Variants in SLC44A1 observed in about 807,000 individuals in gnomAD.
SLC44A1 encodes the protein solute carrier family 44 member 1, also known as choline transporter-like protein 1.
In SLC44A1, 26 loss-of-function variants were observed where a neutral mutation model predicts 79.3. The observed-to-expected ratio is 0.33, with a 90% CI of 0.24 to 0.46. The LOEUF (loss-of-function observed/expected upper bound fraction) is 0.46. Ranked by LOEUF, SLC44A1 falls within the 20% of genes least tolerant of loss-of-function variation. The pLI is 1.00. For missense variants in SLC44A1, 688 were observed against 798.1 expected (o/e 0.86, Z 1.66); for synonymous variants, 263 against 286.2 (o/e 0.92, Z 0.82).
At chr9:105,344,945 G>A (rs1827203653) in intron 4 of SLC44A1, among the ~76,000 whole-genome samples, 1 of 152,182 alleles carries the variant, frequency 6.6e-6, no homozygotes, top group Non-Finnish European at 1.5e-5. Context: ...AGCTGGGAAA[G>A]GACAGCGCAA....
chr9:105,428,025 G>GTT (rs1829345182), intron 15 of SLC44A1, among the ~76,000 whole-genome samples: 1 of 151,964 alleles, frequency 6.6e-6, no homozygotes, highest in African/African-American at 2.4e-5. Flanking sequence ...AGATTTTTAT[G>GTT]TATTAGGGAT....
chr9:105,395,456 T>A lies in SLC44A1; in HGVS notation c.*6400T>A. ...CCAATCTCGAACTCCTGACCTCAGG[T>A]GATCCACCCGCCTCAGCCTCCCAAA... On this transcript the variant is annotated 3_prime_UTR_variant, in exon 16 of 16. Transcript: ENST00000374720. The A allele has an allele frequency of 1.4e-6, 1 of 724,472 alleles. No homozygotes were observed. The highest frequency in any genetic ancestry group is 1.7e-6 in the Non-Finnish European group (1 of 591,546). The allele number at this position is 724,472 out of a possible 1,614,324, so 44.9% of individuals were successfully genotyped here.
At chr9:105,419,963 T>C (rs1343967063) in intron 15 of SLC44A1, among the ~76,000 whole-genome samples, 1 of 150,804 alleles carries the variant, frequency 6.6e-6, no homozygotes, top group African/African-American at 2.4e-5. Context: ...CCATGCTGCC[T>C]GCTCTGAGAG....
rs147942971 is a variant in SLC44A1 at position 105,264,215 on chromosome 9, G to T, written c.36+19311G>T. Among the ~76,000 whole-genome samples, 402 of 152,266 alleles carry T rather than the reference G, an allele frequency of 2.6e-3. 2 individuals carry two copies. The highest frequency in any genetic ancestry group is 9.4e-3 in the African/African-American group (390 of 41,548). On this transcript the variant is annotated intron_variant, in intron 1 of 15. Coordinates refer to ENST00000374720, the MANE Select transcript of SLC44A1 (RefSeq NM_080546.5). Reference sequence around the variant, plus strand: ...AGTCTACTCTGTCACCCAGGCTGGAGTGCAGTGGTGTGATCATAGCTCACT... The same window carrying T: ...AGTCTACTCTGTCACCCAGGCTGGATTGCAGTGGTGTGATCATAGCTCACT...
chr9:105,427,296 G>A (rs1789770244), intron 15 of SLC44A1, among the ~76,000 whole-genome samples: 1 of 151,724 alleles, frequency 6.6e-6, no homozygotes, highest in Non-Finnish European at 1.5e-5. Flanking sequence ...TTGAAAGCAG[G>A]ACCAAGTTAT....
rs11361823 is a variant in SLC44A1, at chr9:105,249,525, ATT to A, written c.36+4636_36+4637del. 2.0e-3 allele frequency among the ~76,000 whole-genome samples: 282 copies of A among 142,198 alleles called. No individual in the cohort carries two copies. The Middle Eastern group carries it at 0.022, about 11-fold the overall frequency. 93.3% of individuals were successfully genotyped at this position (142,198 alleles called of 152,430 possible). A position where few individuals can be genotyped will look rare whatever the true frequency, so the allele number is the denominator to read the frequency against. The stretch of plus-strand genomic sequence containing the variant: ...ATTGGAAAATAATGTAGAAATGGTA[ATT>A]TTTTTTTTTTTTTTGAGCCAGAGTT... On this transcript the variant is annotated intron_variant, in intron 1 of 15. Coordinates refer to ENST00000374720, the MANE Select transcript of SLC44A1 (RefSeq NM_080546.5).
chr9:105,382,469 C>T (rs1416849085), intron 13 of SLC44A1, among the ~76,000 whole-genome samples: 1 of 152,114 alleles, frequency 6.6e-6, no homozygotes. Flanking sequence ...ATTATATTTA[C>T]CACATATTCT....
intron 1 of SLC44A1, among the ~76,000 whole-genome samples, chr9:105,255,510 T>G (rs1829684112): frequency 6.8e-6 from 1 of 147,640 alleles, no homozygotes; most frequent in South Asian, 2.1e-4. Context: ...GCAAAAAGTT[T>G]AATTTAAAAC....
chr9:105,375,153 C>G (rs758347036), intron 13 of SLC44A1, among the ~76,000 whole-genome samples: 1 of 152,112 alleles, frequency 6.6e-6, no homozygotes, highest in Non-Finnish European at 1.5e-5. Context: ...GCAATTCTCC[C>G]GCTTCAGCCT....
intron 1 of SLC44A1, among the ~76,000 whole-genome samples, chr9:105,268,201 C>G (rs566300389): frequency 1.3e-5 from 2 of 152,228 alleles, no homozygotes; most frequent in South Asian, 4.1e-4. Context: ...TTTTTAGCCC[C>G]ATTGTCATCT....
intron 15 of SLC44A1, among the ~76,000 whole-genome samples, chr9:105,426,906 A>C (rs1339961917): frequency 6.6e-6 from 1 of 151,918 alleles, no homozygotes; most frequent in African/African-American, 2.4e-5. Context: ...ATACATATTA[A>C]ATAATTCCTA....
chr9:105,295,500 G>A (rs1830699983), intron 1 of SLC44A1, among the ~76,000 whole-genome samples: 2 of 152,196 alleles, frequency 1.3e-5, no homozygotes, highest in South Asian at 4.1e-4. Flanking sequence ...ATTAAATCCT[G>A]TTGCCACTTG....
intron 6 of SLC44A1, chr9:105,357,077 A>G (rs1022671264): frequency 2.6e-5 from 4 of 152,206 alleles, no homozygotes; most frequent in African/African-American, 4.8e-5. Context: ...CCTGTTAACA[A>G]TTATAGCCAT....
At position 105,366,429 on chromosome 9, in the gene SLC44A1, G is replaced by T; in HGVS notation, c.1494G>T (p.Gln498His). 1.5e-6 allele frequency: 2 copies of T among 1,369,474 alleles called. No homozygotes were observed. The highest frequency in any genetic ancestry group is 1.5e-5 in the South Asian group (1 of 68,736). 84.8% of individuals were successfully genotyped at this position (1,369,474 alleles called of 1,614,324 possible). A position where few individuals can be genotyped will look rare whatever the true frequency, so the allele number is the denominator to read the frequency against. The part of the protein sequence containing the change: ...CLEKCLNYLN[Q>H]NAYTATAINS... The stretch of plus-strand genomic sequence containing the variant: ...AAAAGTGCCTAAATTATTTAAATCA[G>T]GTAAAATATTTTAAAAATAAATCTA... Residue 498 changes from glutamine (Q) to histidine (H), a missense_variant and splice_region_variant, in exon 12 of 16, where the codon CAG becomes CAT. Coordinates refer to ENST00000374720, the MANE Select transcript of SLC44A1 (RefSeq NM_080546.5).
At chr9:105,316,014 A>C (rs966350549) in intron 3 of SLC44A1, among the ~76,000 whole-genome samples, 1 of 152,322 alleles carries the variant, frequency 6.6e-6, no homozygotes, top group Non-Finnish European at 1.5e-5. Context: ...AAGCGACCTA[A>C]GTGGTTGAAA....
intron 5 of SLC44A1, among the ~76,000 whole-genome samples, chr9:105,352,772 G>A (rs1220301111): frequency 1.3e-5 from 2 of 151,996 alleles, no homozygotes; most frequent in South Asian, 2.1e-4. Flanking sequence ...CACCTCCACC[G>A]AAATTCATTA....
chr9:105,273,559 A>G (rs1830126514), intron 1 of SLC44A1, among the ~76,000 whole-genome samples: 1 of 152,196 alleles, frequency 6.6e-6, no homozygotes, highest in Non-Finnish European at 1.5e-5. Flanking sequence ...GGGCTCTTAT[A>G]TCATTTCATG....
Position 105,307,369 on chromosome 9 carries a change from C to T in SLC44A1, c.127-2355C>T, listed in dbSNP as rs190478520. Among the ~76,000 whole-genome samples, 21 of 152,238 alleles carry T rather than the reference C, an allele frequency of 1.4e-4. No individual in the cohort carries two copies. The East Asian group carries it at 2.9e-3, about 21-fold the overall frequency. On this transcript the variant is annotated intron_variant, in intron 2 of 15. Coordinates refer to ENST00000374720, the MANE Select transcript of SLC44A1 (RefSeq NM_080546.5). Reference sequence around the variant, plus strand: ...GTTAAAACATGTGTTGGAGGCCACACGCGGTGGCTCACGCATGTAATCCCA... The same window carrying T: ...GTTAAAACATGTGTTGGAGGCCACATGCGGTGGCTCACGCATGTAATCCCA...
intron 12 of SLC44A1, among the ~76,000 whole-genome samples, chr9:105,368,144 A>G (rs1827995207): frequency 6.6e-6 from 1 of 152,334 alleles, no homozygotes; most frequent in South Asian, 2.1e-4. Context: ...TTTTCAGCAT[A>G]TCCCAAGCTA....
Sources: gnomAD v4.1 joint callset for allele counts (sites outside exome capture counted in the v4.1 genomes callset) on GRCh38, gnomAD v4.1.1 for gene constraint, MANE v1.5 for transcripts, NCBI Gene and HGNC (gene_info 2026-07-23, HGNC 2026-07-21) for gene names.